The following SUPV3L1 variants were observed in gnomAD, a reference collection of about 807,000 sequenced individuals.
SUPV3L1 encodes Suv3 like RNA helicase, also known as ATP-dependent RNA helicase SUPV3L1, mitochondrial.
In SUPV3L1, 35 loss-of-function variants were observed where a neutral mutation model predicts 70.0. The ratio of observed to expected loss-of-function variants is 0.50; its 90% CI spans 0.38 to 0.66. SUPV3L1 has a LOEUF of 0.66. Ranked by LOEUF, SUPV3L1 falls within the 30% of genes least tolerant of loss-of-function variation. The probability of loss-of-function intolerance (pLI) is 0.00; values close to 1 mark genes in which losing one functional copy is unlikely to be tolerated. For missense variants in SUPV3L1, 777 were observed against 961.5 expected, an observed-to-expected ratio of 0.81 and a Z score of 2.54; for synonymous variants, 364 against 341.9, an observed-to-expected ratio of 1.06 and a Z score of -0.71.
chr10:69,195,870 G>A (rs1842528874), intron 7 of SUPV3L1, among the ~76,000 whole-genome samples: 1 of 151,916 alleles, frequency 6.6e-6, no homozygotes, highest in African/African-American at 2.4e-5. Flanking sequence ...AGTCTCCCGA[G>A]CAGCTGGGAC....
chr10:69,186,506 A>T lies in SUPV3L1; in HGVS notation c.413A>T (p.Asp138Val). ...RNYIMQSHSL[D>V]VDIHIVLNDI... ...TATATTATGCAGTCTCATTCCCTGG[A>T]TGTGGACATTCACATTGTTTTGAAT... The change falls in exon 3 of 15, where the codon GAT (aspartate) becomes GTT (valine). Residue 138 changes from aspartate (D) to valine (V), a missense_variant. Asp to Val is a radical substitution (Grantham distance 152). Coordinates refer to ENST00000359655, the MANE Select transcript of SUPV3L1 (RefSeq NM_003171.5). 6.2e-7 allele frequency: 1 copy of T among 1,614,018 alleles called. No individual in the cohort carries two copies. Among genetic ancestry groups the T allele is most frequent in the South Asian group, 1.1e-5 (1 of 91,064 alleles).
intron 11 of SUPV3L1, among the ~76,000 whole-genome samples, chr10:69,201,764 A>G (rs937500818): frequency 3.3e-5 from 5 of 151,300 alleles, no homozygotes; most frequent in Admixed American, 1.3e-4. Context: ...ATCTTGAACT[A>G]CTGTCCTCAA....
At chr10:69,198,615 A>G (rs1467077763) in intron 9 of SUPV3L1, 63 bp downstream of exon 9, 15 of 1,492,410 alleles carry the variant, frequency 1.0e-5, no homozygotes, top group Non-Finnish European at 1.2e-5. Context: ...TTATGTTGAG[A>G]TATATATAAA....
At chr10:69,182,169 A>AT (rs1842084969) in intron 1 of SUPV3L1, among the ~76,000 whole-genome samples, 1 of 151,620 alleles carries the variant, frequency 6.6e-6, no homozygotes, top group East Asian at 1.9e-4. Context: ...TAATTTTTTA[A>AT]TTTTTTGTAG....
intron 13 of SUPV3L1, among the ~76,000 whole-genome samples, chr10:69,203,682 ACT>A (rs1471280741): frequency 6.7e-6 from 1 of 149,536 alleles, no homozygotes; most frequent in African/African-American, 2.5e-5. Context: ...AAAAAACAAA[ACT>A]CTACCAAGGT....
At position 69,185,589 on chromosome 10, in the gene SUPV3L1, C is replaced by T. The variant is rs561098545; in HGVS notation, c.272-398C>T. Among the ~76,000 whole-genome samples the T allele has an allele frequency of 3.2e-4, 49 of 151,826 alleles. 1 individual carries two copies. The Middle Eastern group carries it at 0.031, about 95-fold the overall frequency. On this transcript the variant is annotated intron_variant, in intron 1 of 14. Transcript: ENST00000359655. Reference sequence around the variant, plus strand: ...CCATCTCGGCTCACTGCAAGCTCCGCCTCCCGGGTTCATGCCATTCTCCTG... The same window carrying T: ...CCATCTCGGCTCACTGCAAGCTCCGTCTCCCGGGTTCATGCCATTCTCCTG...
intron 13 of SUPV3L1, among the ~76,000 whole-genome samples, chr10:69,207,164 A>ATTTAG (rs1842851773): frequency 6.6e-6 from 1 of 152,118 alleles, no homozygotes; most frequent in Admixed American, 6.5e-5. Flanking sequence ...AAGAGTTAAC[A>ATTTAG]GACTTAGGCC....
At chr10:69,195,037 G>A (rs1332295168) in intron 6 of SUPV3L1, 151 bp from the exon 7 acceptor site, 3 of 553,816 alleles carry the variant, frequency 5.4e-6, no homozygotes, top group African/African-American at 1.9e-5. Flanking sequence ...TTAAGAGGAG[G>A]TAAAACACTT....
intron 10 of SUPV3L1, 120 bp downstream of exon 10, chr10:69,199,317 T>C: frequency 1.3e-6 from 1 of 746,598 alleles, no homozygotes; most frequent in Non-Finnish European, 2.1e-6. Flanking sequence ...ATAAATATTA[T>C]AGGCTAGATT....
At chr10:69,195,656 A>G (rs1842523185) in intron 7 of SUPV3L1, among the ~76,000 whole-genome samples, 1 of 152,146 alleles carries the variant, frequency 6.6e-6, no homozygotes. Context: ...GCATATCTCT[A>G]TTGAAGGGCA....
Position 69,200,352 on chromosome 10 carries a change from A to G in SUPV3L1, c.1371A>G (p.Glu457=). The stretch of plus-strand genomic sequence containing the variant: ...ATGAAAAGGGAGAGAGAGAACTAGA[A>G]CCAATCACAACCTCTCAAGCCCTGC... The part of the protein sequence containing the change: ...SINEKGEREL[E]PITTSQALQI... The change falls in exon 11 of 15, where the codon GAA becomes GAG. Residue 457 remains glutamate, a synonymous_variant. Transcript: ENST00000359655. 1.2e-6 allele frequency: 2 copies of G among 1,614,146 alleles called. No individual in the cohort carries two copies. The highest frequency in any genetic ancestry group is 8.5e-7 in the Non-Finnish European group (1 of 1,180,020).
At chr10:69,206,682 T>C (rs1283833829) in intron 13 of SUPV3L1, among the ~76,000 whole-genome samples, 2 of 152,194 alleles carry the variant, frequency 1.3e-5, no homozygotes, top group Non-Finnish European at 2.9e-5. Flanking sequence ...CTGACCAGCC[T>C]TGCACCAGGC....
At chr10:69,193,653 G>T (rs529270896) in intron 6 of SUPV3L1, among the ~76,000 whole-genome samples, 4 of 151,952 alleles carry the variant, frequency 2.6e-5, no homozygotes, top group African/African-American at 9.7e-5. Context: ...CAAGCAGTCC[G>T]CCTCGCCTCG....
rs574690754 is a variant in SUPV3L1, at chr10:69,180,290, C to A, written c.-2C>A. 7 of 1,612,942 alleles carry A rather than the reference C, an allele frequency of 4.3e-6. No homozygotes were observed. Among genetic ancestry groups the A allele is most frequent in the African/African-American group, 1.3e-5 (1 of 75,030 alleles). On this transcript the variant is annotated 5_prime_UTR_variant, in exon 1 of 15. Coordinates refer to ENST00000359655, the MANE Select transcript of SUPV3L1 (RefSeq NM_003171.5). ...CCAGACAGTGTAGAACCTGCGGCCT[C>A]GATGTCCTTCTCCCGTGCCCTATTG...
intron 1 of SUPV3L1, among the ~76,000 whole-genome samples, chr10:69,185,741 C>G (rs907499321): frequency 6.6e-6 from 1 of 152,066 alleles, no homozygotes; most frequent in African/African-American, 2.4e-5. Flanking sequence ...ACCTCGTGAT[C>G]CGCCCACCTC....
Position 69,185,978 on chromosome 10 carries a change from C to G in SUPV3L1, c.272-9C>G. 6.3e-7 allele frequency: 1 copy of G among 1,597,768 alleles called. No homozygotes were observed. The highest frequency in any genetic ancestry group is 8.5e-7 in the Non-Finnish European group (1 of 1,169,822). On this transcript the variant is annotated splice_polypyrimidine_tract_variant and intron_variant, in intron 1 of 14. Coordinates refer to ENST00000359655, the MANE Select transcript of SUPV3L1 (RefSeq NM_003171.5). The stretch of plus-strand genomic sequence containing the variant: ...AAGGAAACGTTAAATTTTGACATCT[C>G]TCTTCTAGATGAAGTAAAGAAGGTC...
At chr10:69,207,377 A>T (rs550037504) in intron 13 of SUPV3L1, among the ~76,000 whole-genome samples, 1 of 152,266 alleles carries the variant, frequency 6.6e-6, no homozygotes, top group Non-Finnish European at 1.5e-5. Context: ...CAGTGGCACG[A>T]TCATGGCGCA....
intron 5 of SUPV3L1, among the ~76,000 whole-genome samples, chr10:69,190,109 T>C (rs1842353837): frequency 1.3e-5 from 2 of 152,202 alleles, no homozygotes; most frequent in African/African-American, 4.8e-5. Context: ...CCTCATCATA[T>C]CTTTACATTT....
intron 13 of SUPV3L1, among the ~76,000 whole-genome samples, chr10:69,204,766 T>TA (rs1842780102): frequency 6.7e-6 from 1 of 150,064 alleles, no homozygotes; most frequent in Non-Finnish European, 1.5e-5. Flanking sequence ...CATTTCCCCA[T>TA]AAAAAATTAT....
Sources: allele counts gnomAD v4.1 joint callset (sites outside exome capture counted in the v4.1 genomes callset), GRCh38; gene constraint gnomAD v4.1.1; transcripts MANE v1.5; gene names NCBI Gene and HGNC (gene_info 2026-07-23, HGNC 2026-07-21).